Variants in NAV3 observed in about 807,000 individuals in gnomAD.
The protein encoded by NAV3 is pore membrane and/or filament interacting like protein 1.
A neutral mutation model predicts 244.7 loss-of-function variants in NAV3; 87 were observed. The ratio of observed to expected loss-of-function variants is 0.36; its 90% CI spans 0.30 to 0.42. NAV3 has a LOEUF of 0.42. Among genes scored for constraint, NAV3 ranks in the 20% least tolerant of loss-of-function variants. The probability of loss-of-function intolerance (pLI) is 1.00; values close to 1 mark genes in which losing one functional copy is unlikely to be tolerated. For missense variants in NAV3, 2,663 were observed against 2,893.3 expected (o/e 0.92, Z 1.83); for synonymous variants, 1,126 against 1,042.2 (o/e 1.08, Z -1.55).
chr12:78,064,434 C>T (rs61936200), intron 12 of NAV3, among the ~76,000 whole-genome samples: 1,312 of 122,240 alleles, frequency 0.011, 6 homozygotes, highest in Middle Eastern at 0.023. Context: ...TGTCTGCCTG[C>T]CTGCCTGCCT....
intron 2 of NAV3, among the ~76,000 whole-genome samples, chr12:77,592,569 G>A (rs974297542): frequency 1.3e-5 from 2 of 152,116 alleles, no homozygotes; most frequent in Non-Finnish European, 2.9e-5. Context: ...GCCTCAAGGG[G>A]TGATTTATTT....
intron 12 of NAV3, among the ~76,000 whole-genome samples, chr12:78,103,902 A>G (rs1014541701): frequency 6.6e-6 from 1 of 152,234 alleles, no homozygotes; most frequent in Non-Finnish European, 1.5e-5. Flanking sequence ...AGGGACACAG[A>G]GCCAAACTAT....
intron 2 of NAV3, among the ~76,000 whole-genome samples, chr12:77,572,621 C>T (rs1375107383): frequency 1.3e-5 from 2 of 152,118 alleles, no homozygotes; most frequent in East Asian, 1.9e-4. Context: ...CTAGAGCTCT[C>T]CTTAAATAGA....
At chr12:77,763,572 C>T (rs1350208792) in intron 2 of NAV3, among the ~76,000 whole-genome samples, 1 of 152,200 alleles carries the variant, frequency 6.6e-6, no homozygotes, top group Non-Finnish European at 1.5e-5. Context: ...GTGCAGAGGT[C>T]TGAACTCATC....
At chr12:77,817,172 G>A (rs533968663) in intron 2 of NAV3, among the ~76,000 whole-genome samples, 2 of 152,180 alleles carry the variant, frequency 1.3e-5, no homozygotes, top group African/African-American at 4.8e-5. Context: ...TCCTTGCTAG[G>A]GCTCAGATGC....
At chr12:78,128,329 A>G (rs1364559288) in intron 17 of NAV3, among the ~76,000 whole-genome samples, 4 of 149,164 alleles carry the variant, frequency 2.7e-5, no homozygotes, top group South Asian at 2.1e-4. Flanking sequence ...TTCTGTGACC[A>G]TCCTTCATTT....
chr12:78,177,374 C>A, intron 27 of NAV3, 61 bp downstream of exon 27: 1 of 1,542,192 alleles, frequency 6.5e-7, no homozygotes, highest in Non-Finnish European at 8.8e-7. Flanking sequence ...AGATGAAGGC[C>A]TTATTTATGT....
chr12:77,759,752 G>C (rs1437020832), intron 2 of NAV3, among the ~76,000 whole-genome samples: 1 of 135,192 alleles, frequency 7.4e-6, no homozygotes, highest in Non-Finnish European at 1.6e-5. Context: ...GGTGAAGACG[G>C]TCTGATTTTT....
chr12:77,683,100 T>C (rs1874545086), intron 2 of NAV3, among the ~76,000 whole-genome samples: 1 of 152,168 alleles, frequency 6.6e-6, no homozygotes, highest in African/African-American at 2.4e-5. Context: ...ACCAATGTCA[T>C]AGAGCTTTTC....
intron 9 of NAV3, among the ~76,000 whole-genome samples, chr12:78,048,800 T>C (rs773603569): frequency 5.9e-5 from 9 of 152,212 alleles, no homozygotes; most frequent in Non-Finnish European, 1.3e-4. Context: ...TGTTTTAGTC[T>C]GCTGAGCCTG....
chr12:77,852,006 C>T (rs746547801), intron 1 of NAV3, among the ~76,000 whole-genome samples: 1 of 152,084 alleles, frequency 6.6e-6, no homozygotes, highest in South Asian at 2.1e-4. Context: ...CTAGCTACTG[C>T]CTATTTTGTA....
intron 2 of NAV3, among the ~76,000 whole-genome samples, chr12:77,682,243 A>G (rs1410197988): frequency 6.6e-6 from 1 of 152,160 alleles, no homozygotes; most frequent in Non-Finnish European, 1.5e-5. Flanking sequence ...TATGAATGAG[A>G]TCATGTGGTA....
chr12:78,188,652 G>A lies in NAV3; in HGVS notation c.5930G>A (p.Ser1977Asn). 6.2e-7 allele frequency: 1 copy of A among 1,612,114 alleles called. No individual in the cohort carries two copies. Among genetic ancestry groups the A allele is most frequent in the South Asian group, 1.1e-5 (1 of 90,994 alleles). Residue 1977 changes from serine to asparagine, a missense_variant, in exon 33 of 40, where the codon AGC (serine) becomes AAC (asparagine). Ser to Asn is a conservative substitution (Grantham distance 46). This residue lies in a region of NAV3 where 543 missense variants were observed against 672.4 expected (regional missense o/e 0.81). Coordinates refer to ENST00000397909, the MANE Select transcript of NAV3 (RefSeq NM_001024383.2). Reference sequence around the variant, plus strand: ...GATACATCCACTAGCCTTGGTCTGAGCTCTGACTGCATTGCTAGCTACTGT... The same window carrying A: ...GATACATCCACTAGCCTTGGTCTGAACTCTGACTGCATTGCTAGCTACTGT... ...RIDTSTSLGL[S>N]SDCIASYCIG...
At chr12:77,970,621 TTGAC>T (rs1447864439) in intron 5 of NAV3, among the ~76,000 whole-genome samples, 4 of 152,124 alleles carry the variant, frequency 2.6e-5, no homozygotes, top group Non-Finnish European at 4.4e-5. Flanking sequence ...ATGCAGATAT[TTGAC>T]TGTTCTTTAA....
Position 77,699,441 on chromosome 12 carries a change from C to T in NAV3, c.72+127175C>T, listed in dbSNP as rs376352862. On this transcript the variant is annotated intron_variant, in intron 2 of 8. Coordinates refer to the NAV3 transcript ENST00000550042. ...GAGTAAAACAATGACTATTTTATTA[C>T]GTCCTTGGATTCTGTAATCAGGAAT... Among the ~76,000 whole-genome samples, 15 of 152,196 alleles carry T rather than the reference C, an allele frequency of 9.9e-5. No homozygotes were observed. The East Asian group carries it at 1.2e-3, about 12-fold the overall frequency.
intron 1 of NAV3, among the ~76,000 whole-genome samples, chr12:77,873,859 C>G (rs1378295157): frequency 3.4e-5 from 5 of 148,144 alleles, no homozygotes; most frequent in African/African-American, 1.2e-4. Context: ...TGCATTTCTC[C>G]ATAACCTAGC....
At chr12:77,599,068 C>G (rs973758195) in intron 2 of NAV3, among the ~76,000 whole-genome samples, 3 of 151,938 alleles carry the variant, frequency 2.0e-5, no homozygotes, top group Admixed American at 2.0e-4. Context: ...ATTCTACTCT[C>G]TGCTTCTATG....
Position 78,112,969 on chromosome 12 carries a change from C to T in NAV3, c.2637-3803C>T, listed in dbSNP as rs147604519. 7.9e-5 allele frequency among the ~76,000 whole-genome samples: 12 copies of T among 152,256 alleles called. No homozygotes were observed. In the East Asian group the frequency reaches 1.5e-3, roughly 20 times the overall value. ...ATTGGGTAAATACACAGATTCCAAACGGGAGGAATTGACCAAAACCAAGGG... is the reference window on the plus strand; with the variant it reads ...ATTGGGTAAATACACAGATTCCAAATGGGAGGAATTGACCAAAACCAAGGG... On this transcript the variant is annotated intron_variant, in intron 12 of 39. Transcript: ENST00000397909.
At chr12:77,857,644 T>A (rs1878592339) in intron 1 of NAV3, among the ~76,000 whole-genome samples, 1 of 151,858 alleles carries the variant, frequency 6.6e-6, no homozygotes, top group Non-Finnish European at 1.5e-5. Flanking sequence ...GACATTACTT[T>A]AGTGTGAAAA....
Sources: gnomAD v4.1 joint callset for allele counts (sites outside exome capture counted in the v4.1 genomes callset) on GRCh38, gnomAD v4.1.1 for gene constraint, gnomAD v4.1.1 regional missense constraint, MANE v1.5 for transcripts, NCBI Gene and HGNC (gene_info 2026-07-23, HGNC 2026-07-21) for gene names.